The following PRKAR2A variants were observed in gnomAD, a reference collection of about 807,000 sequenced individuals.
The protein encoded by PRKAR2A is protein kinase cAMP-dependent type II regulatory subunit alpha.
In PRKAR2A, 29 loss-of-function variants were observed where a neutral mutation model predicts 51.9. The observed-to-expected ratio is 0.56, with a 90% CI of 0.42 to 0.76. The LOEUF (loss-of-function observed/expected upper bound fraction) is 0.76, where lower values mean the gene tolerates loss of function less well. Among genes scored for constraint, PRKAR2A ranks in the 30% least tolerant of loss-of-function variants. PRKAR2A has a pLI of 0.00. For synonymous variants in PRKAR2A, 178 were observed against 186.2 expected (o/e 0.96, Z 0.36); for missense variants, 445 against 512.1 (o/e 0.87, Z 1.26).
intron 1 of PRKAR2A, among the ~76,000 whole-genome samples, chr3:48,842,568 ATTATT>A (rs2083398056): frequency 6.6e-6 from 1 of 152,112 alleles, no homozygotes; most frequent in African/African-American, 2.4e-5. Flanking sequence ...GATAGCTCTT[ATTATT>A]TTGAGATACA....
downstream of PRKAR2A, among the ~76,000 whole-genome samples, chr3:48,745,024 G>A (rs925127308): frequency 5.9e-5 from 9 of 151,934 alleles, no homozygotes; most frequent in East Asian, 3.9e-4. Flanking sequence ...ACAGGCACCC[G>A]CCACCACACC....
At chr3:48,839,646 TTTCC>T (rs2083345135) in intron 1 of PRKAR2A, among the ~76,000 whole-genome samples, 1 of 152,208 alleles carries the variant, frequency 6.6e-6, no homozygotes, top group African/African-American at 2.4e-5. Flanking sequence ...TTTTTGACTC[TTTCC>T]AATAGGATAC....
At chr3:48,769,625 C>A (rs972343986) in intron 6 of PRKAR2A, among the ~76,000 whole-genome samples, 2 of 151,970 alleles carry the variant, frequency 1.3e-5, no homozygotes, top group South Asian at 2.1e-4. Flanking sequence ...TATAGGCATG[C>A]GCCACCATGC....
intron 1 of PRKAR2A, among the ~76,000 whole-genome samples, chr3:48,834,484 C>T (rs1379620523): frequency 1.3e-5 from 2 of 152,058 alleles, no homozygotes; most frequent in Admixed American, 1.3e-4. Flanking sequence ...ACTGTAATCC[C>T]AACACTTTGG....
At chr3:48,794,564 G>A (rs547991214) in intron 2 of PRKAR2A, among the ~76,000 whole-genome samples, 2 of 151,770 alleles carry the variant, frequency 1.3e-5, no homozygotes, top group Admixed American at 6.6e-5. Flanking sequence ...GCGTGGTGGT[G>A]TGCGCCTGTA....
At chr3:48,817,701 TAATAA>T (rs1196052738) in intron 1 of PRKAR2A, among the ~76,000 whole-genome samples, 1 of 148,768 alleles carries the variant, frequency 6.7e-6, no homozygotes, top group Non-Finnish European at 1.5e-5. Flanking sequence ...AAGATAATAA[TAATAA>T]AATAAACCAA....
At chr3:48,782,008 A>G (rs568481853) in intron 5 of PRKAR2A, among the ~76,000 whole-genome samples, 1 of 152,346 alleles carries the variant, frequency 6.6e-6, no homozygotes, top group Non-Finnish European at 1.5e-5. Context: ...AAGATAAAAA[A>G]ACTATTTTTG....
chr3:48,842,660 T>C (rs1559655496), intron 1 of PRKAR2A, among the ~76,000 whole-genome samples: 1 of 152,230 alleles, frequency 6.6e-6, no homozygotes, highest in Non-Finnish European at 1.5e-5. Context: ...TTTCTGCATC[T>C]ATTGAGATAA....
At chr3:48,780,223 T>C (rs957917462) in intron 5 of PRKAR2A, among the ~76,000 whole-genome samples, 1 of 152,044 alleles carries the variant, frequency 6.6e-6, no homozygotes, top group African/African-American at 2.4e-5. Context: ...TAAGAAGTAT[T>C]AGCATAAAAG....
chr3:48,784,621 AAC>A (rs1429645788), intron 4 of PRKAR2A, among the ~76,000 whole-genome samples: 5 of 152,182 alleles, frequency 3.3e-5, no homozygotes, highest in Admixed American at 6.6e-5. Context: ...GGACTCTTCA[AAC>A]ACATGTGTCA....
rs951596579 is a variant in PRKAR2A, at chr3:48,750,465, C to T, written c.*1120G>A. The T allele has an allele frequency of 2.0e-5, 3 of 152,204 alleles. No homozygotes were observed. The highest frequency in any genetic ancestry group is 7.2e-5 in the African/African-American group (3 of 41,438). 9.4% of individuals were successfully genotyped at this position (152,204 alleles called of 1,614,324 possible). ...ATCCTCCCAGCTCAGCCTCCCAAAG[C>T]ACTACAATTATAGGCATGAGCCATT... On this transcript the variant is annotated 3_prime_UTR_variant, in exon 11 of 11. Coordinates refer to ENST00000265563, the MANE Select transcript of PRKAR2A (RefSeq NM_004157.4).
chr3:48,756,336 A>G, intron 9 of PRKAR2A, 43 bp downstream of exon 9: 1 of 1,517,544 alleles, frequency 6.6e-7, no homozygotes, highest in Non-Finnish European at 9.1e-7. Flanking sequence ...ACAAATAGTT[A>G]CTTTTTGTGT....
At chr3:48,758,756 G>A (rs1246808363) in intron 8 of PRKAR2A, among the ~76,000 whole-genome samples, 1 of 152,098 alleles carries the variant, frequency 6.6e-6, no homozygotes, top group African/African-American at 2.4e-5. Context: ...TCTCTGGTGA[G>A]TACTTTATGT....
intron 2 of PRKAR2A, among the ~76,000 whole-genome samples, chr3:48,797,340 T>G (rs919866146): frequency 2.6e-5 from 4 of 151,940 alleles, no homozygotes; most frequent in Non-Finnish European, 4.4e-5. Flanking sequence ...AGCTAATTTT[T>G]ATGTTTTTAG....
chr3:48,776,316 C>T (rs1026977763), intron 5 of PRKAR2A, among the ~76,000 whole-genome samples: 5 of 152,082 alleles, frequency 3.3e-5, no homozygotes, highest in Non-Finnish European at 7.4e-5. Flanking sequence ...TATAGCAATT[C>T]CATTTCTAGT....
At chr3:48,829,826 C>T (rs1349120237) in intron 1 of PRKAR2A, among the ~76,000 whole-genome samples, 3 of 103,014 alleles carry the variant, frequency 2.9e-5, no homozygotes, top group Non-Finnish European at 5.8e-5. Flanking sequence ...TATGTATATA[C>T]ATACATATAT....
intron 5 of PRKAR2A, among the ~76,000 whole-genome samples, chr3:48,781,744 C>A (rs1368934122): frequency 6.6e-6 from 1 of 152,126 alleles, no homozygotes; most frequent in Non-Finnish European, 1.5e-5. Flanking sequence ...AACTCCTGAC[C>A]TCGTGATCTG....
At chr3:48,842,228 A>G (rs922984297) in intron 1 of PRKAR2A, among the ~76,000 whole-genome samples, 1 of 152,138 alleles carries the variant, frequency 6.6e-6, no homozygotes, top group African/African-American at 2.4e-5. Context: ...TGTTATTGGT[A>G]TATAAGAATG....
At chr3:48,775,486 T>C (rs911029169) in intron 5 of PRKAR2A, among the ~76,000 whole-genome samples, 8 of 150,778 alleles carry the variant, frequency 5.3e-5, no homozygotes, top group Non-Finnish European at 1.0e-4. Flanking sequence ...TATTTATCTA[T>C]TGATCGGCAA....
Sources: gnomAD v4.1 joint callset for allele counts (sites outside exome capture counted in the v4.1 genomes callset) on GRCh38, gnomAD v4.1.1 for gene constraint, MANE v1.5 for transcripts, NCBI Gene and HGNC (gene_info 2026-07-23, HGNC 2026-07-21) for gene names.